TSPAN4: variants seen among roughly 807,000 people sequenced by gnomAD.
TSPAN4 encodes tetraspanin 4, also known as tetraspanin-4.
In TSPAN4, 38 loss-of-function variants were observed where a neutral mutation model predicts 31.5. The observed-to-expected ratio is 1.21, with a 90% CI of 0.93 to 1.58. The LOEUF (loss-of-function observed/expected upper bound fraction) is 1.58, where lower values mean the gene tolerates loss of function less well. TSPAN4 is among the 40% of genes most tolerant of loss of function. The probability of loss-of-function intolerance (pLI) is 0.00; values close to 1 mark genes in which losing one functional copy is unlikely to be tolerated. For missense variants in TSPAN4, 330 were observed against 317.3 expected, an observed-to-expected ratio of 1.04 and a Z score of -0.30; for synonymous variants, 186 against 144.6, an observed-to-expected ratio of 1.29 and a Z score of -2.06.
intron 4 of TSPAN4, chr11:863,851 T>G: frequency 6.5e-6 from 1 of 153,796 alleles, no homozygotes; most frequent in South Asian, 2.0e-4. Flanking sequence ...AGGGCTGGGG[T>G]CAGGCTGAGC....
At chr11:847,618 C>G (rs533175195) in intron 2 of TSPAN4, among the ~76,000 whole-genome samples, 14 of 151,176 alleles carry the variant, frequency 9.3e-5, no homozygotes, top group Non-Finnish European at 1.9e-4. Flanking sequence ...CCCACCCCCC[C>G]CCAACCCCGC....
In TSPAN4 at chr11:865,534, G is replaced by A; in HGVS notation, c.352G>A (p.Asp118Asn). Residue 118 changes from aspartate to asparagine, a missense_variant, in exon 6 of 9, where the codon GAC becomes AAC. Transcript: ENST00000397397. Reference protein sequence around the residue: ...TDKIDRYAQQDLKKGLHLYGT... With the variant: ...TDKIDRYAQQNLKKGLHLYGT... The stretch of plus-strand genomic sequence containing the variant: ...CCAGATTGACAGGTATGCCCAGCAA[G>A]ACCTGAAGAAAGGCTTGCACCTGTA... 6.2e-7 allele frequency: 1 copy of A among 1,611,894 alleles called. No individual in the cohort carries two copies. The highest frequency in any genetic ancestry group is 2.2e-5 in the East Asian group (1 of 44,850).
At chr11:863,888 G>C (rs1002852606) in intron 4 of TSPAN4, 9 of 154,768 alleles carry the variant, frequency 5.8e-5, no homozygotes, top group Admixed American at 5.7e-4. Context: ...GGCGGGGGAA[G>C]CTTGCATGGT....
Position 866,016 on chromosome 11 carries a change from C to A in TSPAN4, c.648+15C>A, listed in dbSNP as rs1288686834. 1 of 1,610,452 alleles carries A rather than the reference C, an allele frequency of 6.2e-7. No individual in the cohort carries two copies. The highest frequency in any genetic ancestry group is 8.5e-7 in the Non-Finnish European group (1 of 1,179,284). ...CGCTGGTGCAGGTATGGCCTGGGGG[C>A]CTGCGGGCTCCCTGCCCCCACTTTG... On this transcript the variant is annotated intron_variant, in intron 8 of 8. Coordinates refer to ENST00000397397, the MANE Select transcript of TSPAN4 (RefSeq NM_003271.5).
chr11:850,747 G>A (rs978065913), intron 3 of TSPAN4, among the ~76,000 whole-genome samples: 2 of 152,194 alleles, frequency 1.3e-5, no homozygotes, highest in Non-Finnish European at 2.9e-5. Context: ...TTTGCGCGGG[G>A]CCCCGGTGCC....
chr11:866,552 CT>C lies in TSPAN4; in HGVS notation c.649-9del, dbSNP rs751168730. ...AGCTGCCATGCCCAGTCCTCCTCCC[CT>C]ACCTACAGATCCTGGGCCTGACCTT... On this transcript the variant is annotated splice_polypyrimidine_tract_variant and intron_variant, in intron 8 of 8. Transcript: ENST00000397397. 1.2e-6 allele frequency: 2 copies of C among 1,612,732 alleles called. No homozygotes were observed. The highest frequency in any genetic ancestry group is 4.5e-5 in the East Asian group (2 of 44,840).
At position 864,217 on chromosome 11, in the gene TSPAN4, C is replaced by G. The variant is rs1482905702; in HGVS notation, c.256-220C>G. The G allele has an allele frequency of 8.1e-6, 5 of 615,992 alleles. No homozygotes were observed. In the East Asian group the frequency reaches 1.4e-4, roughly 17 times the overall value. 38.2% of individuals were successfully genotyped at this position (615,992 alleles called of 1,614,324 possible). ...GCCCAGGCCAGCCCAGGGCCCCACACTCAGGGGCTGAGCAGGACACAACAG... is the reference window on the plus strand; with the variant it reads ...GCCCAGGCCAGCCCAGGGCCCCACAGTCAGGGGCTGAGCAGGACACAACAG... On this transcript the variant is annotated intron_variant, in intron 4 of 8. Transcript: ENST00000397397.
rs1023533065 is a variant in TSPAN4 at position 862,479 on chromosome 11, C to A, written c.64-71C>A. On this transcript the variant is annotated intron_variant, in intron 3 of 8. Coordinates refer to ENST00000397397, the MANE Select transcript of TSPAN4 (RefSeq NM_003271.5). ...CATGGCTTTGGGCTTGTGGGCCGGG[C>A]TCTGCCCTGGGGTCCAGAGCTTGCA... 2.9e-6 allele frequency: 4 copies of A among 1,402,526 alleles called. No homozygotes were observed. The African/African-American group carries it at 4.3e-5, about 15-fold the overall frequency. 86.9% of individuals were successfully genotyped at this position (1,402,526 alleles called of 1,614,324 possible).
At chr11:862,787 G>A in intron 4 of TSPAN4, 46 bp downstream of exon 4, 1 of 1,538,516 alleles carries the variant, frequency 6.5e-7, no homozygotes, top group Non-Finnish European at 8.8e-7. Flanking sequence ...ACCACGCAGG[G>A]TGGGGCTCCG....
At chr11:844,760 G>C (rs922525878) in intron 1 of TSPAN4, among the ~76,000 whole-genome samples, 2 of 151,776 alleles carry the variant, frequency 1.3e-5, no homozygotes, top group Non-Finnish European at 2.9e-5. Flanking sequence ...TTTTATAGAA[G>C]GGGGCGTTGT....
At chr11:866,090 AG>A (rs1848793399) in intron 8 of TSPAN4, 89 bp downstream of exon 8, 1 of 1,423,602 alleles carries the variant, frequency 7.0e-7, no homozygotes, top group Admixed American at 1.9e-5. Context: ...CCTTGCCCCC[AG>A]GAACCCACGA....
In TSPAN4 at chr11:866,728, A is replaced by G. The variant is rs1848874964; in HGVS notation, c.*98A>G. ...ACCACCAGCCTCGGTGCTCTGCCCC[A>G]TGCTGGGAGGAGGGAGGGAGGGACA... is the stretch of plus-strand genomic sequence containing the variant. On this transcript the variant is annotated 3_prime_UTR_variant, in exon 9 of 9. Coordinates refer to ENST00000397397, the MANE Select transcript of TSPAN4 (RefSeq NM_003271.5). The G allele has an allele frequency of 3.3e-6, 4 of 1,224,280 alleles. No individual in the cohort carries two copies. Among genetic ancestry groups the G allele is most frequent in the Non-Finnish European group, 4.5e-6 (4 of 891,190 alleles). 75.8% of individuals were successfully genotyped at this position (1,224,280 alleles called of 1,614,324 possible).
chr11:862,491 G>A (rs181758661), intron 3 of TSPAN4, 59 bp from the exon 4 acceptor site: 3 of 1,477,982 alleles, frequency 2.0e-6, no homozygotes, highest in East Asian at 2.3e-5. Flanking sequence ...CTGCCCTGGG[G>A]TCCAGAGCTT....
chr11:846,596 C>G (rs533767482), intron 1 of TSPAN4, among the ~76,000 whole-genome samples: 2 of 151,306 alleles, frequency 1.3e-5, no homozygotes, highest in East Asian at 3.9e-4. Context: ...GCCAGAAATC[C>G]CTGAGTGCCA....
intron 2 of TSPAN4, among the ~76,000 whole-genome samples, chr11:849,657 C>T (rs1847517408): frequency 1.3e-5 from 2 of 151,562 alleles, no homozygotes; most frequent in Non-Finnish European, 1.5e-5. Flanking sequence ...CCGGCGCGGG[C>T]GAAGGGGCCG....
Position 842,911 on chromosome 11 carries a change from C to T in TSPAN4, c.-122C>T. The stretch of plus-strand genomic sequence containing the variant: ...GGGCGGCGCGAGCGGGAGGCGGCGG[C>T]GCAGGTACTGCGCCTGGGGGTTGTG... On this transcript the variant is annotated 5_prime_UTR_variant, in exon 1 of 9. Transcript: ENST00000397397. 1 of 161,560 alleles carries T rather than the reference C, an allele frequency of 6.2e-6. No homozygotes were observed. The allele number at this position is 161,560 out of a possible 1,614,324, so 10.0% of individuals were successfully genotyped here. A position where few individuals can be genotyped will look rare whatever the true frequency, so the allele number is the denominator to read the frequency against.
rs184609375 is a variant in TSPAN4 at position 864,387 on chromosome 11, G to T, written c.256-50G>T. The T allele has an allele frequency of 5.6e-6, 9 of 1,603,774 alleles. No homozygotes were observed. In the South Asian group the frequency reaches 6.6e-5, roughly 12 times the overall value. On this transcript the variant is annotated intron_variant, in intron 4 of 8. Transcript: ENST00000397397. Reference sequence around the variant, plus strand: ...CCTGGCCCCTGGCATGCTGTGGGGCGGAGGCTGTGCGGCCTTTCGGGTCCC... The same window carrying T: ...CCTGGCCCCTGGCATGCTGTGGGGCTGAGGCTGTGCGGCCTTTCGGGTCCC...
chr11:866,279 C>CT (rs1184621345), intron 8 of TSPAN4, among the ~76,000 whole-genome samples: 8 of 152,200 alleles, frequency 5.3e-5, no homozygotes, highest in Admixed American at 5.2e-4. Context: ...AGGGTGGCAG[C>CT]TGGGGCCCTG....
intron 3 of TSPAN4, among the ~76,000 whole-genome samples, chr11:852,901 C>CCT (rs1038175295): frequency 6.2e-4 from 1 of 1,606 alleles, no homozygotes; most frequent in African/African-American, 2.6e-3. Context: ...TCTGTCCTGA[C>CCT]CCCCCGCTGC....
Sources: allele counts gnomAD v4.1 joint callset (sites outside exome capture counted in the v4.1 genomes callset), GRCh38; gene constraint gnomAD v4.1.1; transcripts MANE v1.5; gene names NCBI Gene and HGNC (gene_info 2026-07-23, HGNC 2026-07-21).